The following KCNN2 variants were observed in gnomAD, a reference collection of about 807,000 sequenced individuals.
The protein encoded by KCNN2 is potassium calcium-activated channel subfamily N member 2, also known as small conductance calcium-activated potassium channel protein 2.
Under a neutral mutation model 55.5 loss-of-function variants are expected in KCNN2, and 24 were observed. That is an observed-to-expected ratio of 0.43 (90% CI 0.31 to 0.61). The LOEUF (loss-of-function observed/expected upper bound fraction) is 0.61. KCNN2 is among the 20% of genes least tolerant of loss of function. KCNN2 has a pLI of 0.08. For missense variants in KCNN2, 754 were observed against 853.6 expected, an observed-to-expected ratio of 0.88 and a Z score of 1.45; for synonymous variants, 431 against 336.1, an observed-to-expected ratio of 1.28 and a Z score of -3.09.
At chr5:114,430,975 C>G (rs904648352) in intron 3 of KCNN2, among the ~76,000 whole-genome samples, 2 of 152,050 alleles carry the variant, frequency 1.3e-5, no homozygotes, top group Admixed American at 1.3e-4. Flanking sequence ...GTGTTTTGTA[C>G]TTTAAGTAAA....
At chr5:114,469,961 T>A (rs1561403923) in intron 4 of KCNN2, among the ~76,000 whole-genome samples, 7 of 152,190 alleles carry the variant, frequency 4.6e-5, no homozygotes. Context: ...TCTGGAGGTA[T>A]AACTTAAAGG....
At chr5:114,065,692 A>G (rs1750430250) in intron 1 of KCNN2, among the ~76,000 whole-genome samples, 1 of 152,134 alleles carries the variant, frequency 6.6e-6, no homozygotes, top group East Asian at 1.9e-4. Flanking sequence ...CTCTGCTTTC[A>G]TCTGCAGCTC....
chr5:114,198,659 T>G (rs1262997355), intron 1 of KCNN2, among the ~76,000 whole-genome samples: 1 of 152,068 alleles, frequency 6.6e-6, no homozygotes, highest in African/African-American at 2.4e-5. Context: ...TATTGCTTTT[T>G]TAAGATTTTT....
intron 2 of KCNN2, among the ~76,000 whole-genome samples, chr5:114,257,260 AC>A (rs1755002437): frequency 2.0e-5 from 3 of 151,982 alleles, no homozygotes; most frequent in Admixed American, 2.0e-4. Context: ...TGGTTACTAC[AC>A]CCTGTAGTAT....
chr5:114,304,755 AC>A (rs1756234056), intron 2 of KCNN2, among the ~76,000 whole-genome samples: 2 of 152,058 alleles, frequency 1.3e-5, no homozygotes, highest in Admixed American at 6.6e-5. Context: ...CTTCCATGGA[AC>A]CCCCTCAAAA....
At chr5:114,438,819 C>T (rs62379176) in intron 3 of KCNN2, among the ~76,000 whole-genome samples, 11,258 of 152,222 alleles carry the variant, frequency 0.074, 531 homozygotes, top group Non-Finnish European at 0.1. Flanking sequence ...GTTGCTCTTA[C>T]GAACTGGACA....
intron 1 of KCNN2, among the ~76,000 whole-genome samples, chr5:114,079,961 T>C (rs1038495001): frequency 1.3e-4 from 20 of 152,052 alleles, no homozygotes; most frequent in African/African-American, 4.6e-4. Flanking sequence ...TCCTGTATGA[T>C]TTTTTTATTC....
At chr5:114,252,806 A>G (rs1302580805) in intron 2 of KCNN2, among the ~76,000 whole-genome samples, 1 of 151,996 alleles carries the variant, frequency 6.6e-6, no homozygotes, top group Admixed American at 6.6e-5. Context: ...AGAGAGAGAG[A>G]GAGAAAGGGT....
intron 2 of KCNN2, among the ~76,000 whole-genome samples, chr5:114,343,160 TG>T (rs1318987503): frequency 6.6e-6 from 1 of 152,206 alleles, no homozygotes; most frequent in East Asian, 1.9e-4. Flanking sequence ...TGATATGTAG[TG>T]GGTCAGGAAA....
At chr5:114,191,393 TA>T (rs1257810902) in intron 1 of KCNN2, among the ~76,000 whole-genome samples, 1 of 152,166 alleles carries the variant, frequency 6.6e-6, no homozygotes, top group African/African-American at 2.4e-5. Context: ...ATTATTTATG[TA>T]ACTCTTCTCT....
chr5:114,183,751 A>G (rs550722822), intron 1 of KCNN2, among the ~76,000 whole-genome samples: 37 of 150,562 alleles, frequency 2.5e-4, no homozygotes, highest in African/African-American at 8.8e-4. Context: ...TTTTAACTTG[A>G]TCAGACTAGT....
At chr5:114,438,310 A>G (rs1310813791) in intron 3 of KCNN2, among the ~76,000 whole-genome samples, 2 of 152,282 alleles carry the variant, frequency 1.3e-5, no homozygotes, top group Middle Eastern at 3.4e-3. Flanking sequence ...GAACTGCTCT[A>G]TGGACACTAA....
chr5:114,301,013 GA>G (rs1422612083), intron 2 of KCNN2, among the ~76,000 whole-genome samples: 1 of 151,084 alleles, frequency 6.6e-6, no homozygotes, highest in Non-Finnish European at 1.5e-5. Context: ...AACTTTTTTG[GA>G]AAATCTTTTC....
intron 2 of KCNN2, among the ~76,000 whole-genome samples, chr5:114,401,636 G>C (rs1182218584): frequency 6.6e-6 from 1 of 152,176 alleles, no homozygotes; most frequent in Non-Finnish European, 1.5e-5. Flanking sequence ...AAAGGAGGGA[G>C]TTTCCAGATT....
chr5:114,240,100 G>T (rs926368108), intron 2 of KCNN2, among the ~76,000 whole-genome samples: 1 of 152,042 alleles, frequency 6.6e-6, no homozygotes, highest in East Asian at 1.9e-4. Context: ...TTTCAAGTAT[G>T]AATATAGATA....
chr5:114,125,750 T>C (rs1309777982), intron 1 of KCNN2, among the ~76,000 whole-genome samples: 3 of 152,172 alleles, frequency 2.0e-5, no homozygotes, highest in Non-Finnish European at 4.4e-5. Flanking sequence ...GCCTCTCTCT[T>C]TGTCTTGTAG....
intron 1 of KCNN2, among the ~76,000 whole-genome samples, chr5:114,078,321 G>A (rs1750727285): frequency 6.6e-6 from 1 of 152,176 alleles, no homozygotes; most frequent in Non-Finnish European, 1.5e-5. Context: ...GAGAATGAGA[G>A]GCTGTCTCAT....
chr5:114,400,253 G>A (rs1758745865), intron 2 of KCNN2, among the ~76,000 whole-genome samples: 1 of 152,080 alleles, frequency 6.6e-6, no homozygotes, highest in African/African-American at 2.4e-5. Context: ...GGCATTTAGT[G>A]CTATAAACTT....
chr5:114,075,551 T>C (rs554621395), intron 1 of KCNN2, among the ~76,000 whole-genome samples: 1 of 152,326 alleles, frequency 6.6e-6, no homozygotes, highest in South Asian at 2.1e-4. Context: ...AAATGTCATA[T>C]TGGCAAGCAA....
Sources: gnomAD v4.1 joint callset for allele counts (sites outside exome capture counted in the v4.1 genomes callset) on GRCh38, gnomAD v4.1.1 for gene constraint, MANE v1.5 for transcripts, NCBI Gene and HGNC (gene_info 2026-07-23, HGNC 2026-07-21) for gene names.